Variants in TRPM3 observed in about 807,000 individuals in gnomAD.
TRPM3 encodes the protein transient receptor potential cation channel subfamily M member 3, also known as long transient receptor potential channel 3.
TRPM3 carries 77 observed loss-of-function variants against 181.2 expected under a neutral mutation model. The ratio of observed to expected loss-of-function variants is 0.42; its 90% confidence interval spans 0.35 to 0.51. TRPM3 has a LOEUF of 0.51. Among genes scored for constraint, TRPM3 ranks in the 20% least tolerant of loss-of-function variants. The pLI, the probability that TRPM3 is intolerant of heterozygous loss-of-function variation, is 0.01. For missense variants in TRPM3, 1,759 were observed against 2,196.7 expected, an observed-to-expected ratio of 0.80 and a Z score of 3.98; for synonymous variants, 745 against 796.4, an observed-to-expected ratio of 0.94 and a Z score of 1.09.
intron 1 of TRPM3, among the ~76,000 whole-genome samples, chr9:71,134,587 A>C (rs2074648737): frequency 6.6e-6 from 1 of 150,840 alleles, no homozygotes; most frequent in African/African-American, 2.4e-5. Context: ...TTTCTTTCTC[A>C]CAAACATTAT....
intron 1 of TRPM3, among the ~76,000 whole-genome samples, chr9:71,103,323 G>A (rs572383580): frequency 4.6e-4 from 70 of 152,246 alleles, no homozygotes; most frequent in Non-Finnish European, 8.5e-4. Flanking sequence ...ATTGAAAGAG[G>A]AACCTTAGAA....
chr9:70,903,864 CA>C (rs1204322915), intron 1 of TRPM3, among the ~76,000 whole-genome samples: 1 of 151,440 alleles, frequency 6.6e-6, no homozygotes, highest in Non-Finnish European at 1.5e-5. Flanking sequence ...CTCAAGAATA[CA>C]AAAAAGAATG....
intron 6 of TRPM3, among the ~76,000 whole-genome samples, chr9:70,791,773 G>C (rs1261242606): frequency 6.6e-6 from 1 of 152,106 alleles, no homozygotes; most frequent in Non-Finnish European, 1.5e-5. Flanking sequence ...TCTTTTCCTA[G>C]GGACTGAGAA....
At position 70,583,326 on chromosome 9, in the gene TRPM3, C is replaced by T. The variant is rs190422574; in HGVS notation, c.3223+7705G>A. Among the ~76,000 whole-genome samples, 8 of 152,282 alleles carry T rather than the reference C, an allele frequency of 5.3e-5. No individual in the cohort carries two copies. In the East Asian group the frequency reaches 7.7e-4, roughly 15 times the overall value. ...CACTTCATAGCTTGCGCATGCTTTG[C>T]GGGCTCAGGCTACATGGTGTTTCTG... On this transcript the variant is annotated intron_variant, in intron 22 of 25. Transcript: ENST00000677713.
At chr9:71,097,689 G>A (rs1179832266) in intron 1 of TRPM3, among the ~76,000 whole-genome samples, 1 of 151,782 alleles carries the variant, frequency 6.6e-6, no homozygotes, top group Non-Finnish European at 1.5e-5. Flanking sequence ...GCTATAAATT[G>A]AATTCCAAGT....
chr9:71,225,713 A>G (rs2080560497), intron 1 of TRPM3, among the ~76,000 whole-genome samples: 1 of 152,130 alleles, frequency 6.6e-6, no homozygotes, highest in Non-Finnish European at 1.5e-5. Context: ...GTTGGAATGC[A>G]GTGGCACCAT....
At chr9:70,899,862 G>T (rs935926415) in intron 1 of TRPM3, among the ~76,000 whole-genome samples, 8 of 152,174 alleles carry the variant, frequency 5.3e-5, no homozygotes, top group Non-Finnish European at 8.8e-5. Flanking sequence ...AAGAATGAAT[G>T]AATGGACCAA....
At position 70,537,138 on chromosome 9, in the gene TRPM3, C is replaced by T; in HGVS notation, c.3975G>A (p.Glu1325=). The change falls in exon 26 of 26, where the codon GAG becomes GAA. Residue 1325 remains glutamate, a synonymous_variant. Transcript: ENST00000677713. ...SQEGNTFKLQ[E]SIDPAGEETM... Reference sequence around the variant, plus strand: ...TCTCCTCACCTGCAGGGTCTATACTCTCTTGGAGCTTGAAGGTGTTCCCTT... The same window carrying T: ...TCTCCTCACCTGCAGGGTCTATACTTTCTTGGAGCTTGAAGGTGTTCCCTT... The T allele has an allele frequency of 1.3e-6, 2 of 1,594,922 alleles. No homozygotes were observed. The highest frequency in any genetic ancestry group is 1.7e-6 in the Non-Finnish European group (2 of 1,165,548).
Position 70,625,561 on chromosome 9 carries a change from T to G in TRPM3, c.1633-44A>C. ...GTTAAATAAGAAGATGCAGTAATCGTCGGCAATAATAGAAAATCAAAATAT... is the reference window on the plus strand; with the variant it reads ...GTTAAATAAGAAGATGCAGTAATCGGCGGCAATAATAGAAAATCAAAATAT... On this transcript the variant is annotated intron_variant, in intron 12 of 25. Transcript: ENST00000677713. The surrounding 1 kb of genome is among the most constrained non-coding windows in gnomAD (Gnocchi z 4.8). The G allele has an allele frequency of 6.3e-7, 1 of 1,575,990 alleles. No homozygotes were observed. Among genetic ancestry groups the G allele is most frequent in the Non-Finnish European group, 8.6e-7 (1 of 1,156,310 alleles).
intron 1 of TRPM3, among the ~76,000 whole-genome samples, chr9:71,381,418 T>C (rs17080904): frequency 0.045 from 6,913 of 152,220 alleles, 521 homozygotes; most frequent in African/African-American, 0.16. Flanking sequence ...CAGTTCACAA[T>C]GTGGCCATTT....
At chr9:71,428,677 C>T (rs2093910294) in intron 1 of TRPM3, among the ~76,000 whole-genome samples, 1 of 152,160 alleles carries the variant, frequency 6.6e-6, no homozygotes, top group Non-Finnish European at 1.5e-5. Context: ...CATGCTTCAG[C>T]AGCCAATTTG....
chr9:70,956,135 T>C (rs888321685), intron 1 of TRPM3, among the ~76,000 whole-genome samples: 2 of 152,094 alleles, frequency 1.3e-5, no homozygotes, highest in African/African-American at 4.8e-5. Flanking sequence ...CAAAGATAAG[T>C]GTTTCAGGAT....
intron 1 of TRPM3, among the ~76,000 whole-genome samples, chr9:71,306,636 G>A (rs911954538): frequency 1.3e-5 from 2 of 152,144 alleles, no homozygotes; most frequent in African/African-American, 2.4e-5. Flanking sequence ...AGCACTTTGG[G>A]AGGCTGAGGC....
chr9:70,899,704 G>A (rs750307737), intron 1 of TRPM3, among the ~76,000 whole-genome samples: 1 of 152,196 alleles, frequency 6.6e-6, no homozygotes, highest in Non-Finnish European at 1.5e-5. Flanking sequence ...TTAGATCATA[G>A]TAAGGATTCT....
intron 22 of TRPM3, among the ~76,000 whole-genome samples, chr9:70,571,859 C>T (rs565549757): frequency 6.6e-6 from 1 of 152,284 alleles, no homozygotes; most frequent in African/African-American, 2.4e-5. Flanking sequence ...TGATCCTTCT[C>T]TTTGCTTCTG....
intron 9 of TRPM3, among the ~76,000 whole-genome samples, chr9:70,654,119 T>C (rs1181797825): frequency 1.3e-5 from 2 of 152,040 alleles, no homozygotes; most frequent in African/African-American, 2.4e-5. Context: ...ATCCTAATTA[T>C]AGTTCAGAGA....
intron 1 of TRPM3, among the ~76,000 whole-genome samples, chr9:71,379,844 C>T (rs1197857415): frequency 6.6e-6 from 1 of 151,990 alleles, no homozygotes; most frequent in Admixed American, 6.6e-5. Flanking sequence ...ACTTCCTATA[C>T]TTGTCTTGTA....
rs151328337 is a variant in TRPM3, at chr9:70,537,018, C to T, written c.4095G>A (p.Leu1365=). Residue 1365 remains leucine, a synonymous_variant, in exon 26 of 26, where the codon TTG becomes TTA. Coordinates refer to ENST00000677713, the MANE Select transcript of TRPM3 (RefSeq NM_001366145.2). ...NMKDKGGIEK[L]ESIFKERSLS... is the part of the protein sequence containing the mutation. The stretch of plus-strand genomic sequence containing the variant: ...GGGACCTTTCTTTAAAAATACTTTC[C>T]AACTTTTCTATACCACCTTTGTCTT... 1.0e-4 allele frequency: 166 copies of T among 1,610,286 alleles called. No individual in the cohort carries two copies. The African/African-American group carries it at 2.0e-3, about 20-fold the overall frequency.
intron 1 of TRPM3, among the ~76,000 whole-genome samples, chr9:71,013,813 T>C (rs557647532): frequency 6.6e-6 from 1 of 152,164 alleles, no homozygotes; most frequent in African/African-American, 2.4e-5. Context: ...CCCACAAATA[T>C]ATACATTTTC....
Sources: allele counts gnomAD v4.1 joint callset (sites outside exome capture counted in the v4.1 genomes callset), GRCh38; gene constraint gnomAD v4.1.1; non-coding constraint Gnocchi (gnomAD v3.1); transcripts MANE v1.5; gene names NCBI Gene and HGNC (gene_info 2026-07-23, HGNC 2026-07-21).